The following CCDC15 variants were observed in gnomAD, a reference collection of about 807,000 sequenced individuals.
CCDC15 encodes the protein coiled-coil domain containing 15.
CCDC15 carries 105 observed loss-of-function variants against 114.5 expected under a neutral mutation model. That is an observed-to-expected ratio of 0.92 (90% CI 0.78 to 1.08). The LOEUF (loss-of-function observed/expected upper bound fraction) is 1.08, where lower values mean the gene tolerates loss of function less well. CCDC15 is among the 50% of genes least tolerant of loss of function. CCDC15 has a pLI of 0.00. For missense variants in CCDC15, 1,105 were observed against 1,093.6 expected (o/e 1.01, Z -0.15); for synonymous variants, 334 against 377.8 (o/e 0.88, Z 1.34).
At chr11:125,022,777 A>G (rs541720432) in intron 13 of CCDC15, among the ~76,000 whole-genome samples, 1 of 151,914 alleles carries the variant, frequency 6.6e-6, no homozygotes, top group Admixed American at 6.6e-5. Flanking sequence ...TCAGAAAACA[A>G]TAGCTCATTT....
intron 15 of CCDC15, chr11:125,039,375 G>A (rs542722602): frequency 9.7e-5 from 25 of 256,870 alleles, no homozygotes; most frequent in African/African-American, 5.5e-4. Flanking sequence ...TGTAAGTTAG[G>A]ACTCTATCCA....
At chr11:124,978,512 G>A (rs147794091) in intron 6 of CCDC15, among the ~76,000 whole-genome samples, 3 of 152,014 alleles carry the variant, frequency 2.0e-5, no homozygotes, top group Admixed American at 6.6e-5. Flanking sequence ...GTCCACAGCC[G>A]TGTCAGCATC....
chr11:124,982,987 T>A (rs1948096836), intron 6 of CCDC15, among the ~76,000 whole-genome samples: 1 of 152,182 alleles, frequency 6.6e-6, no homozygotes, highest in African/African-American at 2.4e-5. Flanking sequence ...GTTTTGTTTA[T>A]TCTTCTTTAT....
chr11:124,977,631 A>C (rs1179449125), intron 6 of CCDC15, 31 bp downstream of exon 6: 1 of 1,587,552 alleles, frequency 6.3e-7, no homozygotes, highest in Admixed American at 1.8e-5. Context: ...GAGGGGAAAG[A>C]CATTGGCTTA....
At chr11:124,962,032 C>A (rs1947670691) in intron 4 of CCDC15, among the ~76,000 whole-genome samples, 1 of 151,686 alleles carries the variant, frequency 6.6e-6, no homozygotes, top group Non-Finnish European at 1.5e-5. Context: ...TTTATAATAC[C>A]CCCACACTTT....
intron 13 of CCDC15, among the ~76,000 whole-genome samples, chr11:125,009,323 A>G (rs893838364): frequency 1.3e-5 from 2 of 152,204 alleles, no homozygotes; most frequent in Non-Finnish European, 2.9e-5. Context: ...ACAAAGTGCT[A>G]ATATGTGTAA....
intron 13 of CCDC15, among the ~76,000 whole-genome samples, chr11:125,022,965 T>C (rs1170329729): frequency 6.6e-6 from 1 of 151,942 alleles, no homozygotes; most frequent in Non-Finnish European, 1.5e-5. Context: ...GATTTTTAAA[T>C]AGGTATACTT....
chr11:124,957,481 G>A (rs940790168), intron 2 of CCDC15, among the ~76,000 whole-genome samples: 3 of 152,146 alleles, frequency 2.0e-5, no homozygotes, highest in Admixed American at 6.5e-5. Context: ...TTTTTATATG[G>A]TGCTGACTTC....
Position 124,987,829 on chromosome 11 carries a change from A to G in CCDC15, c.1603A>G (p.Lys535Glu), listed in dbSNP as rs971820094. Residue 535 changes from lysine to glutamate, a missense_variant, in exon 8 of 16, where the codon AAA becomes GAA. Coordinates refer to ENST00000344762, the MANE Select transcript of CCDC15 (RefSeq NM_025004.3). ...PKYQGQDFLP[K>E]DQDFLSRDQH... ...ATATCAAGGCCAGGATTTTCTACCT[A>G]AAGACCAGGACTTTTTATCTAGAGA... The G allele has an allele frequency of 1.2e-6, 2 of 1,605,430 alleles. No individual in the cohort carries two copies. The highest frequency in any genetic ancestry group is 1.7e-6 in the Non-Finnish European group (2 of 1,173,632).
chr11:124,986,702 CGCGCGCGCGCGT>C (rs766008960), intron 6 of CCDC15, 28 bp from the exon 7 acceptor site: 25 of 1,225,258 alleles, frequency 2.0e-5, no homozygotes, highest in South Asian at 1.2e-4. Context: ...TGTGTGTGTG[CGCGCGCGCGCGT>C]GCGCGTTTTC....
intron 13 of CCDC15, among the ~76,000 whole-genome samples, chr11:125,023,055 AGTGTGCT>A (rs1401116315): frequency 5.9e-5 from 9 of 151,842 alleles, no homozygotes; most frequent in Admixed American, 6.6e-5. Flanking sequence ...TCTTTTATGG[AGTGTGCT>A]TTTGATGACT....
In CCDC15 at chr11:124,988,134, G is replaced by C; in HGVS notation, c.1908G>C (p.Gln636His). The change falls in exon 8 of 16, where the codon CAG (glutamine) becomes CAC (histidine). Residue 636 changes from glutamine (Q) to histidine (H), a missense_variant and splice_region_variant. Transcript: ENST00000344762. ...ACCAAGATTTTCTACCAAAATATCAGGTAAAATAGAGCAGAAAGGAGATAC... is the reference window on the plus strand; with the variant it reads ...ACCAAGATTTTCTACCAAAATATCACGTAAAATAGAGCAGAAAGGAGATAC... ...CQDQDFLPKY[Q>H]KVHFKEPYSD... 6.2e-7 allele frequency: 1 copy of C among 1,607,258 alleles called. No individual in the cohort carries two copies. The highest frequency in any genetic ancestry group is 8.5e-7 in the Non-Finnish European group (1 of 1,177,506).
chr11:125,034,312 C>T (rs1308526936), intron 13 of CCDC15, among the ~76,000 whole-genome samples: 1 of 152,172 alleles, frequency 6.6e-6, no homozygotes, highest in Non-Finnish European at 1.5e-5. Context: ...GTTGCAAGGT[C>T]CCATTCTTTT....
intron 11 of CCDC15, among the ~76,000 whole-genome samples, chr11:125,000,747 G>C (rs976702274): frequency 6.6e-6 from 1 of 151,924 alleles, no homozygotes; most frequent in East Asian, 1.9e-4. Context: ...AATAATAATA[G>C]CTTTATTGAT....
intron 4 of CCDC15, among the ~76,000 whole-genome samples, chr11:124,974,401 A>G (rs1233274488): frequency 1.3e-5 from 2 of 152,244 alleles, no homozygotes; most frequent in Non-Finnish European, 2.9e-5. Context: ...AAATAGCCGC[A>G]TACTGAAATT....
intron 13 of CCDC15, among the ~76,000 whole-genome samples, chr11:125,014,558 G>A (rs1220232235): frequency 6.6e-6 from 1 of 152,060 alleles, no homozygotes; most frequent in African/African-American, 2.4e-5. Context: ...CAAAGAAATG[G>A]AATCTATAAA....
chr11:124,972,060 A>T (rs1947892800), intron 4 of CCDC15, among the ~76,000 whole-genome samples: 1 of 152,116 alleles, frequency 6.6e-6, no homozygotes, highest in Non-Finnish European at 1.5e-5. Flanking sequence ...CTATGAGTAA[A>T]CTATGATTAT....
At position 124,993,205 on chromosome 11, in the gene CCDC15, T is replaced by C. The variant is rs757100535; in HGVS notation, c.2176T>C (p.Trp726Arg). Residue 726 changes from tryptophan (W) to arginine (R), a missense_variant, in exon 11 of 16, where the codon TGG becomes CGG. Transcript: ENST00000344762. ...CAAACTACCCTCATCTTTTGAGAAA[T>C]GGGAGATTGCAAGAGGAAATACTCC... ...HIKLPSSFEKWEIARGNTPGV... is the reference protein window; with the variant it reads ...HIKLPSSFEKREIARGNTPGV... 3 of 1,607,838 alleles carry C rather than the reference T, an allele frequency of 1.9e-6. No homozygotes were observed. Among genetic ancestry groups the C allele is most frequent in the South Asian group, 1.1e-5 (1 of 90,194 alleles).
At chr11:124,988,266 A>G in intron 8 of CCDC15, 132 bp downstream of exon 8, 2 of 939,332 alleles carry the variant, frequency 2.1e-6, no homozygotes. Context: ...AATAAAGCAA[A>G]TATTGGAATA....
Sources: allele counts gnomAD v4.1 joint callset (sites outside exome capture counted in the v4.1 genomes callset), GRCh38; gene constraint gnomAD v4.1.1; transcripts MANE v1.5; gene names NCBI Gene and HGNC (gene_info 2026-07-23, HGNC 2026-07-21).